HMGCLL1: variants seen among roughly 807,000 people sequenced by gnomAD.
The protein encoded by HMGCLL1 is 3-hydroxy-3-methylglutaryl-CoA lyase like 1.
A neutral mutation model predicts 39.1 loss-of-function variants in HMGCLL1; 36 were observed. The ratio of observed to expected loss-of-function variants is 0.92; its 90% CI spans 0.71 to 1.22. HMGCLL1 has a LOEUF of 1.22. Ranked by LOEUF, HMGCLL1 falls within the 50% of genes most tolerant of loss-of-function variation. HMGCLL1 has a pLI of 0.00. For synonymous variants in HMGCLL1, 149 were observed against 144.0 expected, an observed-to-expected ratio of 1.03 and a Z score of -0.25; for missense variants, 451 against 416.5, an observed-to-expected ratio of 1.08 and a Z score of -0.72.
At chr6:55,580,559 G>GC (rs1662949115), upstream of HMGCLL1, among the ~76,000 whole-genome samples, 2 of 151,800 alleles carry the variant, frequency 1.3e-5, no homozygotes, top group South Asian at 2.1e-4. Context: ...GGGACTACAG[G>GC]CGCCGGCCGC....
the HMGCLL1 span, among the ~76,000 whole-genome samples, chr6:55,639,484 A>T: frequency 1.3e-5 from 2 of 151,614 alleles, no homozygotes; most frequent in Admixed American, 6.6e-5. Flanking sequence ...TGGAGCTAAA[A>T]TTCCACTGGA....
chr6:55,667,705 TTATC>T, the HMGCLL1 span, among the ~76,000 whole-genome samples: 6 of 151,798 alleles, frequency 4.0e-5, no homozygotes, highest in African/African-American at 1.5e-4. Flanking sequence ...GGAGAGAACA[TTATC>T]TATAAAATAT....
rs146562922 is a variant in HMGCLL1, at chr6:55,500,422, C to G, written c.543-1123G>C. Among the ~76,000 whole-genome samples the G allele has an allele frequency of 1.1e-3, 161 of 152,002 alleles. 4 individuals are homozygous for G. Among genetic ancestry groups the G allele is most frequent in the Admixed American group, 9.5e-3 (144 of 15,218 alleles). On this transcript the variant is annotated intron_variant, in intron 5 of 8. Transcript: ENST00000274901. ...AATATGCTATTGATTTGAAGATGCA[C>G]TATGAAATTCCTAACAGTCTTTGGA...
At chr6:55,677,629 A>G in the HMGCLL1 span, among the ~76,000 whole-genome samples, 1 of 152,196 alleles carries the variant, frequency 6.6e-6, no homozygotes, top group African/African-American at 2.4e-5. Context: ...TTAATTTGTC[A>G]GAGAATATTA....
the HMGCLL1 span, among the ~76,000 whole-genome samples, chr6:55,607,501 A>G: frequency 6.6e-6 from 1 of 152,140 alleles, no homozygotes; most frequent in Non-Finnish European, 1.5e-5. Context: ...CAGTCTCTTC[A>G]GGGATTGCCT....
the HMGCLL1 span, among the ~76,000 whole-genome samples, chr6:55,642,801 C>A: frequency 1.3e-5 from 2 of 152,034 alleles, no homozygotes; most frequent in African/African-American, 2.4e-5. Flanking sequence ...CACCTTCCAC[C>A]CTCAAGTAGG....
chr6:55,629,401 G>A, the HMGCLL1 span, among the ~76,000 whole-genome samples: 1 of 152,166 alleles, frequency 6.6e-6, no homozygotes, highest in African/African-American at 2.4e-5. Context: ...GATGACCTGG[G>A]TGCTGTTAAA....
At chr6:55,498,122 G>A (rs1766677539) in intron 6 of HMGCLL1, among the ~76,000 whole-genome samples, 1 of 152,140 alleles carries the variant, frequency 6.6e-6, no homozygotes, top group Admixed American at 6.6e-5. Context: ...CACCCAAGGT[G>A]TGTGTGGTTC....
chr6:55,539,662 G>A lies in HMGCLL1; in HGVS notation c.297+2067C>T, dbSNP rs528379512. Among the ~76,000 whole-genome samples, 7 of 151,364 alleles carry A rather than the reference G, an allele frequency of 4.6e-5. No individual in the cohort carries two copies. In the South Asian group the frequency reaches 8.4e-4, roughly 18 times the overall value. On this transcript the variant is annotated intron_variant, in intron 3 of 8. Coordinates refer to ENST00000274901, the MANE Select transcript of HMGCLL1 (RefSeq NM_001042406.2). ...TGGGAGCTAAATGATGAGGACACACGGACACATAGAGAGGAACAACACACA... is the reference window on the plus strand; with the variant it reads ...TGGGAGCTAAATGATGAGGACACACAGACACATAGAGAGGAACAACACACA...
At chr6:55,655,765 C>T in the HMGCLL1 span, among the ~76,000 whole-genome samples, 1 of 151,938 alleles carries the variant, frequency 6.6e-6, no homozygotes, top group African/African-American at 2.4e-5. Flanking sequence ...CTTATCTTTG[C>T]TAAATTATTG....
rs79012629 is a variant in HMGCLL1, at chr6:55,452,332, G to C, written c.796-12773C>G. On this transcript the variant is annotated intron_variant, in intron 7 of 8. Transcript: ENST00000274901. ...CTCACCCAGACTTAGAACAGACAAA[G>C]ACAGAATCCGTCTTTATAAGAGGTG... 6.4e-3 allele frequency among the ~76,000 whole-genome samples: 982 copies of C among 152,288 alleles called. 15 individuals carry two copies. Among genetic ancestry groups the C allele is most frequent in the South Asian group, 0.051 (245 of 4,830 alleles).
At chr6:55,610,871 G>A in the HMGCLL1 span, among the ~76,000 whole-genome samples, 1 of 151,950 alleles carries the variant, frequency 6.6e-6, no homozygotes, top group Non-Finnish European at 1.5e-5. Context: ...AGAGAGTGGG[G>A]ACCAATATTC....
At chr6:55,671,780 G>A in the HMGCLL1 span, among the ~76,000 whole-genome samples, 7 of 151,678 alleles carry the variant, frequency 4.6e-5, no homozygotes, top group South Asian at 2.1e-4. Flanking sequence ...TACAGCAGCC[G>A]TATCTTCTTC....
chr6:55,659,326 A>G, the HMGCLL1 span, among the ~76,000 whole-genome samples: 1 of 151,924 alleles, frequency 6.6e-6, no homozygotes, highest in Non-Finnish European at 1.5e-5. Flanking sequence ...GGCCCTAACT[A>G]AAATCATTTA....
the HMGCLL1 span, among the ~76,000 whole-genome samples, chr6:55,663,257 T>C: frequency 2.0e-5 from 3 of 150,934 alleles, no homozygotes; most frequent in African/African-American, 7.3e-5. Context: ...GCTTCTCTAG[T>C]TTTTGCAGTT....
intron 7 of HMGCLL1, among the ~76,000 whole-genome samples, chr6:55,453,207 C>T (rs1295512010): frequency 1.3e-5 from 2 of 152,174 alleles, no homozygotes; most frequent in East Asian, 1.9e-4. Flanking sequence ...GAGACGGAAT[C>T]TCGCTCTGTC....
chr6:55,678,752 G>T, the HMGCLL1 span, among the ~76,000 whole-genome samples: 2 of 152,178 alleles, frequency 1.3e-5, no homozygotes, highest in Admixed American at 1.3e-4. Flanking sequence ...GGTTGTAAGA[G>T]AATTTTAACA....
intron 1 of HMGCLL1, among the ~76,000 whole-genome samples, chr6:55,559,241 A>G (rs1447825893): frequency 1.3e-5 from 2 of 152,082 alleles, no homozygotes; most frequent in African/African-American, 4.8e-5. Context: ...TACTACAAAT[A>G]TAGTCCTTTA....
At chr6:55,618,351 C>T in the HMGCLL1 span, among the ~76,000 whole-genome samples, 8 of 151,090 alleles carry the variant, frequency 5.3e-5, no homozygotes, top group Non-Finnish European at 1.2e-4. Flanking sequence ...AAAAAAGTGA[C>T]CTTTTGAACA....
Sources: allele counts gnomAD v4.1 joint callset (sites outside exome capture counted in the v4.1 genomes callset), GRCh38; gene constraint gnomAD v4.1.1; transcripts MANE v1.5; gene names NCBI Gene and HGNC (gene_info 2026-07-23, HGNC 2026-07-21).